Variants in HNF4G observed in about 807,000 individuals in gnomAD.
The protein encoded by HNF4G is hepatocyte nuclear factor 4-gamma.
A neutral mutation model predicts 50.9 loss-of-function variants in HNF4G; 21 were observed. The observed-to-expected ratio is 0.41, with a 90% CI of 0.29 to 0.59. HNF4G has a LOEUF of 0.59. HNF4G is among the 20% of genes least tolerant of loss of function. The pLI is 0.26. For synonymous variants in HNF4G, 198 were observed against 185.6 expected (o/e 1.07, Z -0.54); for missense variants, 527 against 559.4 (o/e 0.94, Z 0.58).
intron 1 of HNF4G, among the ~76,000 whole-genome samples, chr8:75,417,517 A>G: frequency 6.6e-6 from 1 of 152,234 alleles, no homozygotes; most frequent in East Asian, 1.9e-4. Context: ...TCGTCTCCAG[A>G]GCCCAGTTTC....
chr8:75,521,735 T>G (rs1306315178), intron 2 of HNF4G, among the ~76,000 whole-genome samples: 2 of 152,236 alleles, frequency 1.3e-5, no homozygotes, highest in African/African-American at 4.8e-5. Context: ...TTAAGTACAA[T>G]AGTTTAAGAG....
In HNF4G at chr8:75,560,256, T is replaced by TA. The variant is rs1358655634; in HGVS notation, c.1124-86dup. ...AGCACTTGGCAAAAATAGCGATATT[T>TA]AAGCTGTCAATCAAAACATTTGTTT... On this transcript the variant is annotated intron_variant, in intron 8 of 9. Coordinates refer to ENST00000396423, the MANE Select transcript of HNF4G (RefSeq NM_004133.5). The TA allele has an allele frequency of 1.3e-5, 18 of 1,417,782 alleles. No individual in the cohort carries two copies. In the Admixed American group the frequency reaches 2.1e-4, roughly 16 times the overall value. The allele number at this position is 1,417,782 out of a possible 1,614,324, so 87.8% of individuals were successfully genotyped here.
rs147833840 is a variant in HNF4G at position 75,411,105 on chromosome 8, A to G, written c.-144+2943A>G. Among the ~76,000 whole-genome samples, 392 of 152,352 alleles carry G rather than the reference A, an allele frequency of 2.6e-3. 1 individual carries two copies. Among genetic ancestry groups the G allele is most frequent in the African/African-American group, 8.5e-3 (355 of 41,566 alleles). The stretch of plus-strand genomic sequence containing the variant: ...AACCAGAGAGAAATGAAATAACTTG[A>G]CTAAGGTTACACGTTTACATGGGAT... On this transcript the variant is annotated intron_variant, in intron 1 of 10. Transcript: ENST00000354370.
chr8:75,423,819 T>C (rs1337657565), intron 1 of HNF4G, among the ~76,000 whole-genome samples: 2 of 92,910 alleles, frequency 2.2e-5, no homozygotes, highest in Non-Finnish European at 4.5e-5. Flanking sequence ...TTCTTTCTTT[T>C]TTTTTTTTTT....
chr8:75,435,234 C>T (rs1162106783), intron 1 of HNF4G, among the ~76,000 whole-genome samples: 1 of 152,128 alleles, frequency 6.6e-6, no homozygotes, highest in Non-Finnish European at 1.5e-5. Context: ...TATAGAAATG[C>T]AAACTTGATT....
intron 1 of HNF4G, among the ~76,000 whole-genome samples, chr8:75,541,230 T>A (rs1806613354): frequency 6.6e-6 from 1 of 152,098 alleles, no homozygotes; most frequent in Non-Finnish European, 1.5e-5. Context: ...TTACTATAAG[T>A]GTTTAACAAA....
intron 1 of HNF4G, among the ~76,000 whole-genome samples, chr8:75,478,092 G>C (rs1812282782): frequency 6.6e-6 from 1 of 152,276 alleles, no homozygotes; most frequent in South Asian, 2.1e-4. Flanking sequence ...CAGGCGGATC[G>C]CCTGAGCTCA....
chr8:75,492,832 T>C (rs1401994182), intron 2 of HNF4G, among the ~76,000 whole-genome samples: 1 of 152,102 alleles, frequency 6.6e-6, no homozygotes, highest in Admixed American at 6.5e-5. Flanking sequence ...AGGAGGCTGA[T>C]TTCTCCTGAG....
At chr8:75,514,354 C>CTTTTTTTTTTCTTTCTTTTTTTTTT (rs1805837081) in intron 2 of HNF4G, among the ~76,000 whole-genome samples, 1 of 125,034 alleles carries the variant, frequency 8.0e-6, no homozygotes, top group Non-Finnish European at 1.6e-5. Flanking sequence ...TTTCTTCTTT[C>CTTTTTTTTTTCTTTCTTTTTTTTTT]TTTTTTTTTT....
intron 1 of HNF4G, among the ~76,000 whole-genome samples, chr8:75,480,753 C>T (rs1347743110): frequency 6.6e-6 from 1 of 150,470 alleles, no homozygotes; most frequent in Non-Finnish European, 1.5e-5. Context: ...GAATCTCACC[C>T]AGGCTGGAAT....
intron 1 of HNF4G, among the ~76,000 whole-genome samples, chr8:75,428,599 AATG>A (rs1193177081): frequency 6.6e-6 from 1 of 152,212 alleles, no homozygotes; most frequent in Non-Finnish European, 1.5e-5. Context: ...CTGATATCTA[AATG>A]ATGAGTGAAA....
Position 75,565,863 on chromosome 8 carries a change from C to G in HNF4G, c.*1767C>G, listed in dbSNP as rs532068381. 1 of 152,206 alleles carries G rather than the reference C, an allele frequency of 6.6e-6. No individual in the cohort carries two copies. Among genetic ancestry groups the G allele is most frequent in the South Asian group, 2.1e-4 (1 of 4,828 alleles). 9.4% of individuals were successfully genotyped at this position (152,206 alleles called of 1,614,324 possible). A position where few individuals can be genotyped will look rare whatever the true frequency, so the allele number is the denominator to read the frequency against. ...TAATAGATTTAATAAAATTCCTTCA[C>G]GACCTGGTACCCTTGTGAAACTGTA... is the stretch of plus-strand genomic sequence containing the variant. On this transcript the variant is annotated 3_prime_UTR_variant, in exon 10 of 10. Transcript: ENST00000396423.
chr8:75,513,883 T>G (rs975951062), intron 2 of HNF4G, among the ~76,000 whole-genome samples: 2 of 140,918 alleles, frequency 1.4e-5, no homozygotes, highest in African/African-American at 5.0e-5. Context: ...ATATAATGCT[T>G]TCTTTCATTT....
At chr8:75,496,475 C>A (rs535282157) in intron 2 of HNF4G, among the ~76,000 whole-genome samples, 2 of 151,912 alleles carry the variant, frequency 1.3e-5, no homozygotes, top group Non-Finnish European at 2.9e-5. Flanking sequence ...AAAAGCTTGA[C>A]GTTACCAGTT....
intron 1 of HNF4G, among the ~76,000 whole-genome samples, chr8:75,419,184 T>A (rs1388941381): frequency 6.6e-6 from 1 of 152,204 alleles, no homozygotes; most frequent in Non-Finnish European, 1.5e-5. Flanking sequence ...CCTGAGACTA[T>A]CAGAAGTTAA....
intron 1 of HNF4G, among the ~76,000 whole-genome samples, chr8:75,475,168 C>A (rs549767381): frequency 6.6e-6 from 1 of 151,762 alleles, no homozygotes; most frequent in South Asian, 2.1e-4. Context: ...TGCCAACACG[C>A]CCAGCTAATT....
intron 1 of HNF4G, among the ~76,000 whole-genome samples, chr8:75,422,873 AT>A: frequency 6.6e-6 from 1 of 152,240 alleles, no homozygotes; most frequent in East Asian, 1.9e-4. Context: ...TTTATTGAGC[AT>A]TTATTATTTA....
intron 1 of HNF4G, among the ~76,000 whole-genome samples, chr8:75,410,206 G>T (rs974334486): frequency 6.6e-6 from 1 of 152,062 alleles, no homozygotes; most frequent in Non-Finnish European, 1.5e-5. Flanking sequence ...GGGTACTGCT[G>T]AATATTTATT....
At chr8:75,421,180 T>C (rs893557463) in intron 1 of HNF4G, among the ~76,000 whole-genome samples, 1 of 152,182 alleles carries the variant, frequency 6.6e-6, no homozygotes, top group African/African-American at 2.4e-5. Flanking sequence ...ATTAATGAGA[T>C]CTTTCCTGTT....
Sources: allele counts gnomAD v4.1 joint callset (sites outside exome capture counted in the v4.1 genomes callset), GRCh38; gene constraint gnomAD v4.1.1; transcripts MANE v1.5; gene names NCBI Gene and HGNC (gene_info 2026-07-23, HGNC 2026-07-21).